CTNNA2: variants seen among roughly 807,000 people sequenced by gnomAD.
CTNNA2 encodes the protein catenin alpha-2.
A neutral mutation model predicts 101.0 loss-of-function variants in CTNNA2; 42 were observed. The ratio of observed to expected loss-of-function variants is 0.42; its 90% CI spans 0.32 to 0.54. The LOEUF (loss-of-function observed/expected upper bound fraction) is 0.54. CTNNA2 is among the 20% of genes least tolerant of loss of function. The pLI, the probability that CTNNA2 is intolerant of heterozygous loss-of-function variation, is 0.14. For synonymous variants in CTNNA2, 450 were observed against 456.4 expected, an observed-to-expected ratio of 0.99 and a Z score of 0.18; for missense variants, 871 against 1,223.1, an observed-to-expected ratio of 0.71 and a Z score of 4.29.
intron 2 of CTNNA2, among the ~76,000 whole-genome samples, chr2:79,701,343 G>A (rs1180389338): frequency 1.3e-5 from 2 of 152,086 alleles, no homozygotes; most frequent in African/African-American, 4.8e-5. Context: ...GAACAGCTGT[G>A]ATCATGCAGC....
At chr2:80,205,099 A>G (rs1025960221) in intron 7 of CTNNA2, among the ~76,000 whole-genome samples, 1 of 152,172 alleles carries the variant, frequency 6.6e-6, no homozygotes, top group Non-Finnish European at 1.5e-5. Flanking sequence ...GAGCTACAAG[A>G]TGAGATTTGG....
Position 79,858,073 on chromosome 2 carries a change from G to A in CTNNA2, c.359G>A (p.Arg120His), listed in dbSNP as rs751827909. 1.7e-5 allele frequency: 28 copies of A among 1,614,044 alleles called. No individual in the cohort carries two copies. The highest frequency in any genetic ancestry group is 8.5e-6 in the Non-Finnish European group (10 of 1,180,014). Reference sequence around the variant, plus strand: ...GATGACCCTTGCTCGTCGGTAAAGCGCGGCACCATGGTACGGGCGGCAAGG... The same window carrying A: ...GATGACCCTTGCTCGTCGGTAAAGCACGGCACCATGGTACGGGCGGCAAGG... ...FADDPCSSVK[R>H]GTMVRAARAL... The change falls in exon 4 of 19, where the codon CGC (arginine) becomes CAC (histidine). Residue 120 changes from arginine to histidine, a missense_variant. Physicochemically the swap from Arg to His is conservative, Grantham distance 29. Around this residue, in one of 5 missense-constraint regions of CTNNA2, gnomAD observed 647 missense variants for 831.5 expected, o/e 0.78. Transcript: ENST00000402739.
rs1320997839 is a variant in CTNNA2 at position 80,647,958 on chromosome 2, AG to A, written c.*87del. 1 of 1,288,118 alleles carries A rather than the reference AG, an allele frequency of 7.8e-7. No homozygotes were observed. The highest frequency in any genetic ancestry group is 2.4e-5 in the East Asian group (1 of 41,802). The allele number at this position is 1,288,118 out of a possible 1,614,324, so 79.8% of individuals were successfully genotyped here. On this transcript the variant is annotated 3_prime_UTR_variant, in exon 19 of 19. Coordinates refer to ENST00000402739, the MANE Select transcript of CTNNA2 (RefSeq NM_001282597.3). ...TTCCATTTTTGTATGCATACCTGCC[AG>A]CTCGTATGCCTCTGGCATGGGGAAA... is the stretch of plus-strand genomic sequence containing the variant.
chr2:79,247,465 G>A (rs2104266311), intron 2 of CTNNA2, among the ~76,000 whole-genome samples: 1 of 152,256 alleles, frequency 6.6e-6, no homozygotes, highest in South Asian at 2.1e-4. Flanking sequence ...TTGGAGCATT[G>A]CAATTAGTTA....
At chr2:80,337,460 C>A (rs1457648353) in intron 7 of CTNNA2, among the ~76,000 whole-genome samples, 1 of 151,814 alleles carries the variant, frequency 6.6e-6, no homozygotes. Flanking sequence ...TACACTCCCC[C>A]CCACCCCACC....
chr2:79,418,996 G>A (rs758074804), intron 4 of CTNNA2, among the ~76,000 whole-genome samples: 2 of 152,122 alleles, frequency 1.3e-5, no homozygotes, highest in Non-Finnish European at 2.9e-5. Context: ...ATAATTGGAT[G>A]CTCTCCTTTG....
chr2:79,637,103 G>A (rs1469388065), intron 1 of CTNNA2: 1 of 152,214 alleles, frequency 6.6e-6, no homozygotes, highest in East Asian at 1.9e-4. Flanking sequence ...AGGCATTATA[G>A]ACTACCTTTT....
chr2:80,231,276 C>T (rs1709195470), intron 7 of CTNNA2, among the ~76,000 whole-genome samples: 1 of 152,060 alleles, frequency 6.6e-6, no homozygotes, highest in South Asian at 2.1e-4. Flanking sequence ...TGTGAGCCAC[C>T]ACACCCGGCC....
chr2:79,571,195 T>C (rs1423460456), intron 1 of CTNNA2, among the ~76,000 whole-genome samples: 1 of 152,162 alleles, frequency 6.6e-6, no homozygotes, highest in Non-Finnish European at 1.5e-5. Flanking sequence ...ATGGGCCTGT[T>C]TTCCATTTCT....
At chr2:79,802,452 C>G (rs1317523039) in intron 3 of CTNNA2, among the ~76,000 whole-genome samples, 1 of 152,134 alleles carries the variant, frequency 6.6e-6, no homozygotes, top group Non-Finnish European at 1.5e-5. Flanking sequence ...TTCATTACTG[C>G]TTGTTTGGTG....
chr2:79,301,512 C>T (rs1180602616), intron 2 of CTNNA2, among the ~76,000 whole-genome samples: 1 of 152,172 alleles, frequency 6.6e-6, no homozygotes, highest in East Asian at 1.9e-4. Flanking sequence ...GAGTGGACTA[C>T]AGGATTTTTG....
intron 7 of CTNNA2, among the ~76,000 whole-genome samples, chr2:80,214,304 G>A (rs570273661): frequency 5.2e-4 from 79 of 152,226 alleles, no homozygotes; most frequent in African/African-American, 1.9e-3. Flanking sequence ...TTTCTTCCTA[G>A]CATCGATGGT....
intron 6 of CTNNA2, among the ~76,000 whole-genome samples, chr2:79,905,497 G>A (rs563081054): frequency 6.6e-5 from 10 of 152,312 alleles, no homozygotes; most frequent in African/African-American, 2.2e-4. Context: ...CTTTTGCTGC[G>A]AAGGGAGAGA....
At chr2:79,200,962 T>A (rs1238174086) in intron 2 of CTNNA2, among the ~76,000 whole-genome samples, 2 of 152,184 alleles carry the variant, frequency 1.3e-5, no homozygotes, top group Admixed American at 6.5e-5. Context: ...AAAACAGATG[T>A]CAGAACCTTA....
chr2:80,555,808 C>T lies in CTNNA2; in HGVS notation c.1656C>T (p.His552=). ...AIRGRAARVI[H]IINAEMENYE... ...GGGGCCGGGCAGCTCGAGTCATACACATCATCAATGCTGAGATGGAGAACT... is the reference window on the plus strand; with the variant it reads ...GGGGCCGGGCAGCTCGAGTCATACATATCATCAATGCTGAGATGGAGAACT... The change falls in exon 12 of 19, where the codon CAC becomes CAT. Residue 552 remains histidine, a synonymous_variant. Transcript: ENST00000402739. 6.2e-7 allele frequency: 1 copy of T among 1,600,680 alleles called. No homozygotes were observed. Among genetic ancestry groups the T allele is most frequent in the South Asian group, 1.1e-5 (1 of 87,304 alleles).
intron 2 of CTNNA2, among the ~76,000 whole-genome samples, chr2:79,737,522 G>A (rs777258302): frequency 6.6e-6 from 1 of 152,158 alleles, no homozygotes; most frequent in Non-Finnish European, 1.5e-5. Context: ...TGTGGGTAGG[G>A]TCCAGAAATT....
chr2:79,792,765 G>A (rs1413517014), intron 3 of CTNNA2, among the ~76,000 whole-genome samples: 1 of 152,144 alleles, frequency 6.6e-6, no homozygotes, highest in African/African-American at 2.4e-5. Flanking sequence ...GTAAAACAGA[G>A]ATGAGGATAC....
intron 2 of CTNNA2, among the ~76,000 whole-genome samples, chr2:79,244,022 C>T (rs80005190): frequency 6.6e-6 from 1 of 152,150 alleles, no homozygotes; most frequent in Non-Finnish European, 1.5e-5. Context: ...CTGGCACCCT[C>T]TGAGGCACTA....
chr2:80,610,555 C>T (rs1050526691), intron 17 of CTNNA2, among the ~76,000 whole-genome samples: 1 of 151,568 alleles, frequency 6.6e-6, no homozygotes, highest in African/African-American at 2.4e-5. Context: ...AAAGCCACGG[C>T]TTCTCTGAAA....
Sources: gnomAD v4.1 joint callset for allele counts (sites outside exome capture counted in the v4.1 genomes callset) on GRCh38, gnomAD v4.1.1 for gene constraint, gnomAD v4.1.1 regional missense constraint, MANE v1.5 for transcripts, NCBI Gene and HGNC (gene_info 2026-07-23, HGNC 2026-07-21) for gene names.